The following EXOC4 variants were observed in gnomAD, a reference collection of about 807,000 sequenced individuals.
EXOC4 encodes the protein SEC8-like 1.
EXOC4 carries 71 observed loss-of-function variants against 107.2 expected under a neutral mutation model. The ratio of observed to expected loss-of-function variants is 0.66; its 90% CI spans 0.55 to 0.81. EXOC4 has a LOEUF of 0.81. Ranked by LOEUF, EXOC4 falls within the 30% of genes least tolerant of loss-of-function variation. EXOC4 has a pLI of 0.00. For missense variants in EXOC4, 1,108 were observed against 1,189.6 expected (o/e 0.93, Z 1.01); for synonymous variants, 456 against 441.2 (o/e 1.03, Z -0.42).
At chr7:133,864,957 T>A (rs972194090) in intron 11 of EXOC4, among the ~76,000 whole-genome samples, 8 of 152,134 alleles carry the variant, frequency 5.3e-5, no homozygotes, top group Admixed American at 5.2e-4. Flanking sequence ...TTTAAGGTGG[T>A]TTCTAAGATT....
At chr7:133,416,000 A>G (rs1429053124) in intron 7 of EXOC4, among the ~76,000 whole-genome samples, 2 of 152,206 alleles carry the variant, frequency 1.3e-5, no homozygotes, top group African/African-American at 4.8e-5. Flanking sequence ...AAGGTTGTCA[A>G]CCATGTCAGA....
intron 10 of EXOC4, among the ~76,000 whole-genome samples, chr7:133,742,447 T>C (rs1208728744): frequency 6.6e-6 from 1 of 152,228 alleles, no homozygotes; most frequent in East Asian, 1.9e-4. Context: ...TACTGAATTA[T>C]GTTTGCTTAA....
chr7:133,548,708 C>G (rs928469919), intron 9 of EXOC4, among the ~76,000 whole-genome samples: 1 of 152,228 alleles, frequency 6.6e-6, no homozygotes, highest in Admixed American at 6.5e-5. Flanking sequence ...TCACCTCTCT[C>G]AGCCTTCAAA....
chr7:133,903,853 A>G (rs1363913275), intron 12 of EXOC4, among the ~76,000 whole-genome samples: 3 of 152,222 alleles, frequency 2.0e-5, no homozygotes, highest in African/African-American at 4.8e-5. Context: ...GAAACCATCA[A>G]AGGACATTGA....
At chr7:133,481,138 T>C (rs1377111695) in intron 9 of EXOC4, 1 of 151,422 alleles carries the variant, frequency 6.6e-6, no homozygotes, top group Non-Finnish European at 1.5e-5. Context: ...TAGTGGAAGT[T>C]GGGTACAAAG....
At position 133,446,681 on chromosome 7, in the gene EXOC4, CT is replaced by C. The variant is rs767433666; in HGVS notation, c.1183-28643del. Among the ~76,000 whole-genome samples, 197 of 152,128 alleles carry C rather than the reference CT, an allele frequency of 1.3e-3. 2 individuals carry two copies. Among genetic ancestry groups the C allele is most frequent in the Non-Finnish European group, 2.5e-3 (167 of 68,026 alleles). On this transcript the variant is annotated intron_variant, in intron 7 of 17. Transcript: ENST00000253861. ...CATCTTTGTCTTTTTAAAAAATATACTTTTAATGTTTTATAAAGTATCAAAA... is the reference window on the plus strand; with the variant it reads ...CATCTTTGTCTTTTTAAAAAATATACTTTAATGTTTTATAAAGTATCAAAA...
intron 11 of EXOC4, among the ~76,000 whole-genome samples, chr7:133,847,945 G>C (rs1456332502): frequency 6.9e-6 from 1 of 145,036 alleles, no homozygotes; most frequent in African/African-American, 2.6e-5. Flanking sequence ...GGCCAGGCTG[G>C]TCTCAAACTC....
At chr7:133,960,041 A>T (rs1800906730) in intron 14 of EXOC4, among the ~76,000 whole-genome samples, 2 of 152,186 alleles carry the variant, frequency 1.3e-5, no homozygotes, top group South Asian at 4.1e-4. Context: ...AAAGAGAAAG[A>T]TCTCCAGAGT....
At chr7:133,369,066 T>C (rs962582422) in intron 6 of EXOC4, among the ~76,000 whole-genome samples, 1 of 152,238 alleles carries the variant, frequency 6.6e-6, no homozygotes, top group African/African-American at 2.4e-5. Context: ...CACTGGGGCA[T>C]TGTGTTTTCA....
intron 11 of EXOC4, among the ~76,000 whole-genome samples, chr7:133,831,004 G>A (rs537063699): frequency 1.3e-5 from 2 of 151,892 alleles, no homozygotes; most frequent in African/African-American, 2.4e-5. Context: ...TCGCTCTATC[G>A]CCCAGGCTGG....
chr7:133,519,282 G>A (rs183666193), intron 9 of EXOC4, among the ~76,000 whole-genome samples: 38 of 152,106 alleles, frequency 2.5e-4, no homozygotes, highest in Non-Finnish European at 4.4e-4. Context: ...TGGCGTGGTG[G>A]CATACACCTG....
the EXOC4 span, among the ~76,000 whole-genome samples, chr7:134,092,570 A>G: frequency 5.3e-5 from 8 of 152,228 alleles, no homozygotes; most frequent in Non-Finnish European, 1.2e-4. Flanking sequence ...ATTCTCAAAG[A>G]AAAGAAATTC....
intron 17 of EXOC4, among the ~76,000 whole-genome samples, chr7:134,027,742 G>A (rs1250176918): frequency 1.3e-5 from 2 of 151,910 alleles, no homozygotes; most frequent in South Asian, 2.1e-4. Flanking sequence ...GCTCAGAGAC[G>A]GGATTTGAAT....
intron 7 of EXOC4, among the ~76,000 whole-genome samples, chr7:133,404,036 T>C (rs1288383934): frequency 1.3e-5 from 2 of 152,212 alleles, no homozygotes; most frequent in Non-Finnish European, 2.9e-5. Flanking sequence ...TCTGGCCCTA[T>C]TCTGATATAT....
chr7:133,488,903 T>C (rs974242970), intron 9 of EXOC4, among the ~76,000 whole-genome samples: 6 of 150,152 alleles, frequency 4.0e-5, no homozygotes, highest in Non-Finnish European at 7.4e-5. Context: ...AGATTATATA[T>C]AGAAATGTAA....
intron 2 of EXOC4, among the ~76,000 whole-genome samples, chr7:133,277,025 G>C (rs1405655283): frequency 6.6e-6 from 1 of 151,390 alleles, no homozygotes; most frequent in Non-Finnish European, 1.5e-5. Context: ...GCAATGGCGC[G>C]ATCTAAGCTC....
At chr7:133,520,576 A>G (rs1211625716) in intron 9 of EXOC4, among the ~76,000 whole-genome samples, 3 of 152,156 alleles carry the variant, frequency 2.0e-5, no homozygotes, top group Admixed American at 2.0e-4. Context: ...AAAAGATGAA[A>G]TATATATTCC....
intron 17 of EXOC4, among the ~76,000 whole-genome samples, chr7:134,041,147 G>A (rs756302994): frequency 1.9e-4 from 29 of 152,118 alleles, no homozygotes; most frequent in Non-Finnish European, 2.5e-4. Context: ...TTTTACCATT[G>A]TAACTGCTGT....
At chr7:133,885,554 A>G (rs1370773026) in intron 11 of EXOC4, among the ~76,000 whole-genome samples, 1 of 152,210 alleles carries the variant, frequency 6.6e-6, no homozygotes, top group Admixed American at 6.5e-5. Context: ...TTAGCAGCCT[A>G]GTGGAAGAGA....
Sources: gnomAD v4.1 joint callset for allele counts (sites outside exome capture counted in the v4.1 genomes callset) on GRCh38, gnomAD v4.1.1 for gene constraint, MANE v1.5 for transcripts, NCBI Gene and HGNC (gene_info 2026-07-23, HGNC 2026-07-21) for gene names.